GRIA1: variants seen among roughly 807,000 people sequenced by gnomAD.
GRIA1 encodes glutamate receptor 1.
A neutral mutation model predicts 99.2 loss-of-function variants in GRIA1; 31 were observed. The observed-to-expected ratio is 0.31, with a 90% confidence interval of 0.23 to 0.42. The LOEUF (loss-of-function observed/expected upper bound fraction) is 0.42. Among genes scored for constraint, GRIA1 ranks in the 10% least tolerant of loss-of-function variants. GRIA1 has a pLI of 1.00. For synonymous variants in GRIA1, 438 were observed against 432.4 expected, an observed-to-expected ratio of 1.01 and a Z score of -0.16; for missense variants, 782 against 1,157.5, an observed-to-expected ratio of 0.68 and a Z score of 4.71.
intron 11 of GRIA1, among the ~76,000 whole-genome samples, chr5:153,722,761 G>T (rs937280772): frequency 5.9e-5 from 9 of 152,152 alleles, no homozygotes; most frequent in Admixed American, 2.0e-4. Context: ...TGATCCCATG[G>T]GGTACGGGGT....
chr5:153,770,786 G>A (rs1043070201), intron 13 of GRIA1, among the ~76,000 whole-genome samples: 1 of 152,186 alleles, frequency 6.6e-6, no homozygotes, highest in Non-Finnish European at 1.5e-5. Flanking sequence ...CCAGCAACCT[G>A]AATTCTTTGA....
intron 2 of GRIA1, among the ~76,000 whole-genome samples, chr5:153,618,455 G>A (rs1732394863): frequency 6.6e-6 from 1 of 152,190 alleles, no homozygotes; most frequent in African/African-American, 2.4e-5. Flanking sequence ...TATTGAACTT[G>A]TTAAAAATGG....
chr5:153,636,648 T>C (rs996604287), intron 2 of GRIA1, among the ~76,000 whole-genome samples: 2 of 152,240 alleles, frequency 1.3e-5, no homozygotes, highest in Non-Finnish European at 2.9e-5. Context: ...GGAATGCCTG[T>C]GTTTGGATTC....
rs1389542615 is a variant in GRIA1, at chr5:153,490,868, T to A, written c.-21T>A. On this transcript the variant is annotated 5_prime_UTR_variant, in exon 1 of 16. Transcript: ENST00000285900. ...TCTATGATTGGACCTGGGCTTCTTT[T>A]TCGCCAATGCAAAAAGGAATATGCA... is the stretch of plus-strand genomic sequence containing the variant. 2.5e-6 allele frequency: 4 copies of A among 1,597,960 alleles called. No individual in the cohort carries two copies. Among genetic ancestry groups the A allele is most frequent in the African/African-American group, 1.3e-5 (1 of 74,604 alleles).
At chr5:153,520,888 C>T (rs1232537874) in intron 2 of GRIA1, among the ~76,000 whole-genome samples, 1 of 152,140 alleles carries the variant, frequency 6.6e-6, no homozygotes, top group East Asian at 1.9e-4. Context: ...ATCATGAAAG[C>T]ATTTCCATGA....
chr5:153,695,257 T>A (rs1581484608), intron 8 of GRIA1, among the ~76,000 whole-genome samples: 1 of 152,320 alleles, frequency 6.6e-6, no homozygotes, highest in East Asian at 1.9e-4. Flanking sequence ...ATAAAAGTAC[T>A]GTGGAGATTT....
At chr5:153,809,001 A>G (rs1039295138) in intron 15 of GRIA1, among the ~76,000 whole-genome samples, 1 of 152,214 alleles carries the variant, frequency 6.6e-6, no homozygotes, top group African/African-American at 2.4e-5. Context: ...AACAACTTCA[A>G]TGGAATATTA....
At chr5:153,805,173 C>A (rs1766344776) in intron 15 of GRIA1, among the ~76,000 whole-genome samples, 1 of 152,112 alleles carries the variant, frequency 6.6e-6, no homozygotes, top group South Asian at 2.1e-4. Flanking sequence ...CCCCAGTAAG[C>A]CCTCAGTAAA....
intron 10 of GRIA1, among the ~76,000 whole-genome samples, chr5:153,702,992 G>A (rs1051040822): frequency 2.6e-5 from 4 of 152,156 alleles, no homozygotes; most frequent in Admixed American, 6.5e-5. Context: ...AGAGCAGCCC[G>A]GTCTGAGATC....
intron 12 of GRIA1, among the ~76,000 whole-genome samples, chr5:153,766,629 T>C (rs1169946076): frequency 6.6e-6 from 1 of 152,196 alleles, no homozygotes; most frequent in Admixed American, 6.5e-5. Flanking sequence ...AATCCAAGTA[T>C]TCCTGTCACT....
chr5:153,638,512 G>A (rs910367978), intron 2 of GRIA1, among the ~76,000 whole-genome samples: 5 of 152,214 alleles, frequency 3.3e-5, no homozygotes, highest in Admixed American at 3.3e-4. Flanking sequence ...GTGGATAGTT[G>A]TTCTGCTTCC....
chr5:153,670,772 C>T (rs1756106262), intron 5 of GRIA1, among the ~76,000 whole-genome samples: 1 of 152,010 alleles, frequency 6.6e-6, no homozygotes, highest in African/African-American at 2.4e-5. Flanking sequence ...ATTGAATTTT[C>T]CCATAAACCA....
chr5:153,770,676 C>T (rs1035527119), intron 13 of GRIA1, among the ~76,000 whole-genome samples: 7 of 152,156 alleles, frequency 4.6e-5, no homozygotes, highest in Admixed American at 1.3e-4. Flanking sequence ...CCTCCAAGTG[C>T]GTGAAACATC....
intron 11 of GRIA1, among the ~76,000 whole-genome samples, chr5:153,754,060 AGACAGAGGCCCAGCTAGGCAGGTGACT>A (rs1470435728): frequency 3.3e-5 from 5 of 152,182 alleles, no homozygotes; most frequent in Non-Finnish European, 5.9e-5. Context: ...CAGAGCAGGA[AGACAGAGGCCCAGCTAGGCAGGTGACT>A]CACCAAGTTG....
intron 5 of GRIA1, among the ~76,000 whole-genome samples, chr5:153,663,102 T>A (rs1456882740): frequency 6.6e-6 from 1 of 152,118 alleles, no homozygotes; most frequent in African/African-American, 2.4e-5. Context: ...TCCAAGGTGA[T>A]CCAAGCATCC....
intron 5 of GRIA1, among the ~76,000 whole-genome samples, chr5:153,659,646 G>A (rs1395383435): frequency 2.6e-5 from 4 of 152,204 alleles, no homozygotes; most frequent in African/African-American, 9.7e-5. Flanking sequence ...GAGCCAGTTT[G>A]GAAAATGTGG....
At chr5:153,627,157 A>G (rs1290503100) in intron 2 of GRIA1, among the ~76,000 whole-genome samples, 1 of 152,196 alleles carries the variant, frequency 6.6e-6, no homozygotes, top group Non-Finnish European at 1.5e-5. Flanking sequence ...TATTTATAAA[A>G]CAATAACAAT....
At chr5:153,780,757 T>C (rs2149636946) in intron 13 of GRIA1, among the ~76,000 whole-genome samples, 1 of 152,322 alleles carries the variant, frequency 6.6e-6, no homozygotes, top group Non-Finnish European at 1.5e-5. Flanking sequence ...TCCATTTTTT[T>C]CCCTGTTCTC....
intron 5 of GRIA1, among the ~76,000 whole-genome samples, chr5:153,661,166 A>G (rs989603816): frequency 1.3e-5 from 2 of 152,038 alleles, no homozygotes; most frequent in Non-Finnish European, 2.9e-5. Context: ...GAGCTCATCC[A>G]CTTTCTTCAG....
Sources: allele counts gnomAD v4.1 joint callset (sites outside exome capture counted in the v4.1 genomes callset), GRCh38; gene constraint gnomAD v4.1.1; transcripts MANE v1.5; gene names NCBI Gene and HGNC (gene_info 2026-07-23, HGNC 2026-07-21).